Variants in NRG4 observed in about 807,000 individuals in gnomAD.
The protein encoded by NRG4 is neuregulin 4, also known as pro-neuregulin-4, membrane-bound isoform.
In NRG4, 10 loss-of-function variants were observed where a neutral mutation model predicts 15.0. The observed-to-expected ratio is 0.67, with a 90% CI of 0.41 to 1.13. The LOEUF (loss-of-function observed/expected upper bound fraction) is 1.13, where lower values mean the gene tolerates loss of function less well. Among genes scored for constraint, NRG4 ranks in the 50% most tolerant of loss-of-function variants. The pLI is 0.00. For synonymous variants in NRG4, 41 were observed against 50.1 expected, an observed-to-expected ratio of 0.82 and a Z score of 0.77; for missense variants, 139 against 140.2, an observed-to-expected ratio of 0.99 and a Z score of 0.04.
intron 5 of NRG4, among the ~76,000 whole-genome samples, chr15:76,020,216 GA>G (rs2035111208): frequency 6.6e-6 from 1 of 152,104 alleles, no homozygotes; most frequent in African/African-American, 2.4e-5. Context: ...TATTCCCTGA[GA>G]CACAACAATA....
intron 4 of NRG4, among the ~76,000 whole-genome samples, chr15:76,038,150 A>G (rs575881430): frequency 6.6e-6 from 1 of 152,330 alleles, no homozygotes; most frequent in East Asian, 1.9e-4. Flanking sequence ...AGACTGGGAG[A>G]CACACTGGCT....
At chr15:76,023,004 A>C (rs1392687375) in intron 5 of NRG4, among the ~76,000 whole-genome samples, 1 of 152,176 alleles carries the variant, frequency 6.6e-6, no homozygotes. Context: ...AAAAAAATCA[A>C]GAACAACTTT....
intron 5 of NRG4, among the ~76,000 whole-genome samples, chr15:76,019,758 T>C (rs996164964): frequency 6.6e-6 from 1 of 152,180 alleles, no homozygotes; most frequent in Non-Finnish European, 1.5e-5. Flanking sequence ...TTGATCTCGC[T>C]GGGAGCTGCA....
chr15:76,055,302 G>T (rs1471555209), intron 2 of NRG4, among the ~76,000 whole-genome samples: 1 of 152,058 alleles, frequency 6.6e-6, no homozygotes, highest in Non-Finnish European at 1.5e-5. Flanking sequence ...TATTCAAGAG[G>T]ATAATTCCAT....
intron 2 of NRG4, among the ~76,000 whole-genome samples, chr15:76,055,269 C>T (rs1399711347): frequency 6.6e-6 from 1 of 152,146 alleles, no homozygotes; most frequent in Non-Finnish European, 1.5e-5. Flanking sequence ...AGCAACAGAG[C>T]AAAGCCCTGT....
chr15:75,999,153 TAATA>T (rs913465904), intron 3 of NRG4, among the ~76,000 whole-genome samples: 1 of 152,244 alleles, frequency 6.6e-6, no homozygotes, highest in Non-Finnish European at 1.5e-5. Flanking sequence ...TTCATTCATT[TAATA>T]AATATTTATT....
intron 5 of NRG4, among the ~76,000 whole-genome samples, chr15:75,944,728 T>C (rs78652827): frequency 0.016 from 2,439 of 149,456 alleles, 62 homozygotes; most frequent in African/African-American, 0.056. Flanking sequence ...TTTCATGACA[T>C]ATCTTGTCAC....
At chr15:76,005,440 T>G (rs1348480209) in intron 3 of NRG4, among the ~76,000 whole-genome samples, 1 of 326 alleles carries the variant, frequency 3.1e-3, no homozygotes, top group Admixed American at 0.045. Flanking sequence ...ATCTCAGCAC[T>G]TTGGGAAGCC....
intron 3 of NRG4, among the ~76,000 whole-genome samples, chr15:75,974,136 T>C (rs1009184927): frequency 6.6e-6 from 1 of 152,228 alleles, no homozygotes; most frequent in Admixed American, 6.5e-5. Context: ...TTCTTCTAGA[T>C]GTTCTAGTTC....
intron 3 of NRG4, among the ~76,000 whole-genome samples, chr15:75,992,393 A>C (rs963411720): frequency 2.6e-5 from 4 of 152,096 alleles, no homozygotes; most frequent in African/African-American, 9.7e-5. Flanking sequence ...CATTTCTTCT[A>C]GTATAGGCTT....
intron 4 of NRG4, among the ~76,000 whole-genome samples, chr15:75,957,603 TGA>T (rs1595953677): frequency 6.6e-6 from 1 of 152,210 alleles, no homozygotes; most frequent in Non-Finnish European, 1.5e-5. Flanking sequence ...TTATCCTGCT[TGA>T]GATTTGTTAG....
At chr15:76,023,967 C>G (rs1043840306) in intron 5 of NRG4, among the ~76,000 whole-genome samples, 5 of 152,170 alleles carry the variant, frequency 3.3e-5, no homozygotes, top group Non-Finnish European at 5.9e-5. Context: ...TTTGGGCTGT[C>G]CCCCAAACAG....
At chr15:76,040,031 C>A (rs1253514840) in intron 4 of NRG4, among the ~76,000 whole-genome samples, 1 of 151,654 alleles carries the variant, frequency 6.6e-6, no homozygotes, top group Non-Finnish European at 1.5e-5. Flanking sequence ...AGACTCTGTA[C>A]CTGCCACCCC....
chr15:76,004,520 A>G (rs2034526916), intron 3 of NRG4, among the ~76,000 whole-genome samples: 1 of 151,284 alleles, frequency 6.6e-6, no homozygotes, highest in Non-Finnish European at 1.5e-5. Context: ...AATCACTTGA[A>G]CGCAGGAGGC....
intron 4 of NRG4, among the ~76,000 whole-genome samples, chr15:75,959,482 T>C (rs2032411544): frequency 6.6e-6 from 1 of 151,562 alleles, no homozygotes; most frequent in Non-Finnish European, 1.5e-5. Context: ...TATAAATAAA[T>C]ATTATCTATT....
chr15:76,009,347 G>T, intron 2 of NRG4, 54 bp from the exon 3 acceptor site: 1 of 782,262 alleles, frequency 1.3e-6, no homozygotes, highest in Non-Finnish European at 2.0e-6. Context: ...TTTTCCTAAT[G>T]CAACAAGGAA....
At chr15:75,985,895 T>C (rs2033783306) in intron 3 of NRG4, among the ~76,000 whole-genome samples, 1 of 152,104 alleles carries the variant, frequency 6.6e-6, no homozygotes, top group Admixed American at 6.5e-5. Context: ...GCAACTCATA[T>C]CTCAGTCAAA....
chr15:76,023,088 T>C (rs2141930083), intron 5 of NRG4, among the ~76,000 whole-genome samples: 1 of 150,946 alleles, frequency 6.6e-6, no homozygotes, highest in Middle Eastern at 3.4e-3. Context: ...AATGAGGTGA[T>C]GTCAGCAAGA....
In NRG4 at chr15:75,943,590, C is replaced by T; in HGVS notation, c.*48G>A. On this transcript the variant is annotated 3_prime_UTR_variant, in exon 6 of 6. Transcript: ENST00000394907. ...CTTTTACCTAGTGGTGTTTCATTTTCTGCCTTTGTAAAATAAAAACAATGA... is the reference window on the plus strand; with the variant it reads ...CTTTTACCTAGTGGTGTTTCATTTTTTGCCTTTGTAAAATAAAAACAATGA... 1 of 1,269,484 alleles carries T rather than the reference C, an allele frequency of 7.9e-7. No individual in the cohort carries two copies. The allele number at this position is 1,269,484 out of a possible 1,614,324, so 78.6% of individuals were successfully genotyped here.
Sources: gnomAD v4.1 joint callset for allele counts (sites outside exome capture counted in the v4.1 genomes callset) on GRCh38, gnomAD v4.1.1 for gene constraint, MANE v1.5 for transcripts, NCBI Gene and HGNC (gene_info 2026-07-23, HGNC 2026-07-21) for gene names.